The following ADAMTS12 variants were observed in gnomAD, a reference collection of about 807,000 sequenced individuals.
The protein encoded by ADAMTS12 is A disintegrin and metalloproteinase with thrombospondin motifs 12.
ADAMTS12 carries 118 observed loss-of-function variants against 167.8 expected under a neutral mutation model. The observed-to-expected ratio is 0.70, with a 90% CI of 0.61 to 0.82. The LOEUF is 0.82. Ranked by LOEUF, ADAMTS12 falls within the 40% of genes least tolerant of loss-of-function variation. ADAMTS12 has a pLI of 0.00. For synonymous variants in ADAMTS12, 704 were observed against 716.9 expected (o/e 0.98, Z 0.29); for missense variants, 1,916 against 1,998.8 (o/e 0.96, Z 0.79).
chr5:33,630,236 T>C (rs1340447606), intron 13 of ADAMTS12, among the ~76,000 whole-genome samples: 2 of 152,232 alleles, frequency 1.3e-5, no homozygotes, highest in Non-Finnish European at 2.9e-5. Flanking sequence ...AGGAATTCTT[T>C]AATGGTTACA....
intron 2 of ADAMTS12, among the ~76,000 whole-genome samples, chr5:33,852,904 A>G (rs182782370): frequency 6.6e-6 from 1 of 151,970 alleles, no homozygotes; most frequent in East Asian, 1.9e-4. Context: ...GGAGACACAC[A>G]AAAAAAACAC....
intron 20 of ADAMTS12, among the ~76,000 whole-genome samples, chr5:33,556,476 A>G (rs1745491992): frequency 6.6e-6 from 1 of 152,190 alleles, no homozygotes; most frequent in Non-Finnish European, 1.5e-5. Flanking sequence ...GTCATGTTGT[A>G]AGGAACATGG....
intron 2 of ADAMTS12, among the ~76,000 whole-genome samples, chr5:33,809,190 T>G (rs542339388): frequency 6.6e-6 from 1 of 152,340 alleles, no homozygotes; most frequent in Admixed American, 6.5e-5. Context: ...CCAGGGATCC[T>G]GTTAAACTGC....
At position 33,735,312 on chromosome 5, in the gene ADAMTS12, T is replaced by A. The variant is rs117959004; in HGVS notation, c.634+16092A>T. On this transcript the variant is annotated intron_variant, in intron 3 of 23. Coordinates refer to ENST00000504830, the MANE Select transcript of ADAMTS12 (RefSeq NM_030955.4). ...TTTGCATTTCTTATAAGTTCCAGGG[T>A]GATGCTGATGCTGCTGGTCCGGGGA... Among the ~76,000 whole-genome samples the A allele has an allele frequency of 5.9e-5, 9 of 152,270 alleles. No homozygotes were observed. The East Asian group carries it at 1.4e-3, about 23-fold the overall frequency.
chr5:33,573,847 T>A (rs1278230928), intron 19 of ADAMTS12, among the ~76,000 whole-genome samples: 1 of 152,148 alleles, frequency 6.6e-6, no homozygotes, highest in Non-Finnish European at 1.5e-5. Flanking sequence ...AACCTACTCA[T>A]CTGACAAAGG....
intron 5 of ADAMTS12, among the ~76,000 whole-genome samples, chr5:33,679,470 A>G (rs1742031652): frequency 1.3e-5 from 2 of 152,192 alleles, no homozygotes; most frequent in Admixed American, 1.3e-4. Context: ...AGTGCCAAGC[A>G]GAGGGGGAAG....
intron 16 of ADAMTS12, 30 bp from the exon 17 acceptor site, chr5:33,596,090 A>G (rs1427121924): frequency 6.2e-7 from 1 of 1,611,206 alleles, no homozygotes; most frequent in Non-Finnish European, 8.5e-7. Flanking sequence ...ATTCACACAT[A>G]TTGAATCCTG....
chr5:33,782,820 A>G (rs1746184937), intron 2 of ADAMTS12, among the ~76,000 whole-genome samples: 1 of 152,112 alleles, frequency 6.6e-6, no homozygotes, highest in Non-Finnish European at 1.5e-5. Context: ...GATAAAAATT[A>G]TGCAAAATTA....
chr5:33,828,421 A>C (rs2112514557), intron 2 of ADAMTS12, among the ~76,000 whole-genome samples: 1 of 151,976 alleles, frequency 6.6e-6, no homozygotes, highest in South Asian at 2.1e-4. Flanking sequence ...TAGACACCAA[A>C]CTCTTCAGGT....
intron 2 of ADAMTS12, among the ~76,000 whole-genome samples, chr5:33,874,607 T>C (rs1041800741): frequency 6.6e-6 from 1 of 152,242 alleles, no homozygotes; most frequent in Non-Finnish European, 1.5e-5. Flanking sequence ...TGAAAACTCT[T>C]GTCCACAAAG....
intron 3 of ADAMTS12, among the ~76,000 whole-genome samples, chr5:33,740,869 A>T (rs528481404): frequency 5.3e-5 from 8 of 152,298 alleles, no homozygotes; most frequent in Admixed American, 4.6e-4. Context: ...CGAGAGGTGG[A>T]CCGTGAGTGA....
intron 21 of ADAMTS12, 57 bp downstream of exon 21, chr5:33,549,148 CAG>C (rs1365211077): frequency 1.9e-6 from 3 of 1,573,882 alleles, no homozygotes; most frequent in East Asian, 4.5e-5. Context: ...TGCAGTAACA[CAG>C]AGATTCATGG....
intron 17 of ADAMTS12, among the ~76,000 whole-genome samples, chr5:33,590,253 T>G (rs1171817728): frequency 6.6e-6 from 1 of 152,234 alleles, no homozygotes; most frequent in Non-Finnish European, 1.5e-5. Context: ...ATAATAGACG[T>G]TCTTGTTTTC....
chr5:33,693,035 T>G (rs1056801316), intron 3 of ADAMTS12, among the ~76,000 whole-genome samples: 2 of 152,226 alleles, frequency 1.3e-5, no homozygotes, highest in South Asian at 2.1e-4. Context: ...ATTAACACTC[T>G]CTCCACTGTC....
chr5:33,547,136 A>G (rs957765025), intron 21 of ADAMTS12, among the ~76,000 whole-genome samples: 2 of 152,110 alleles, frequency 1.3e-5, no homozygotes, highest in Admixed American at 1.3e-4. Flanking sequence ...AGAGAGGGAG[A>G]GGAATTCCAC....
chr5:33,561,519 A>C (rs1056109308), intron 19 of ADAMTS12, among the ~76,000 whole-genome samples: 4 of 152,224 alleles, frequency 2.6e-5, no homozygotes, highest in Admixed American at 2.6e-4. Context: ...GCAGTGGCTC[A>C]TGCCTTTAAT....
chr5:33,725,268 C>T (rs1579877334), intron 3 of ADAMTS12, among the ~76,000 whole-genome samples: 1 of 152,154 alleles, frequency 6.6e-6, no homozygotes, highest in African/African-American at 2.4e-5. Flanking sequence ...AATTCCAATC[C>T]CGATTTCCTT....
At chr5:33,639,854 T>C (rs545279922) in intron 11 of ADAMTS12, among the ~76,000 whole-genome samples, 21 of 152,350 alleles carry the variant, frequency 1.4e-4, no homozygotes, top group African/African-American at 5.0e-4. Flanking sequence ...CAATGTGGCC[T>C]GAGTAAGCTT....
At chr5:33,623,612 C>T (rs1210590804) in intron 14 of ADAMTS12, among the ~76,000 whole-genome samples, 1 of 152,122 alleles carries the variant, frequency 6.6e-6, no homozygotes, top group Non-Finnish European at 1.5e-5. Flanking sequence ...AATAGTAAAG[C>T]GTGGGTAAGA....
Sources: allele counts gnomAD v4.1 joint callset (sites outside exome capture counted in the v4.1 genomes callset), GRCh38; gene constraint gnomAD v4.1.1; transcripts MANE v1.5; gene names NCBI Gene and HGNC (gene_info 2026-07-23, HGNC 2026-07-21).